The following FANCM variants were observed in gnomAD, a reference collection of about 807,000 sequenced individuals.
The protein encoded by FANCM is Fanconi anemia group M protein.
In FANCM, 140 loss-of-function variants were observed where a neutral mutation model predicts 199.5. The ratio of observed to expected loss-of-function variants is 0.70; its 90% confidence interval spans 0.61 to 0.81. FANCM has a LOEUF of 0.81. FANCM is among the 30% of genes least tolerant of loss of function. FANCM has a pLI of 0.00. For missense variants in FANCM, 2,410 were observed against 2,421.4 expected, an observed-to-expected ratio of 1.00 and a Z score of 0.10; for synonymous variants, 840 against 836.8, an observed-to-expected ratio of 1.00 and a Z score of -0.07.
chr14:45,152,888 A>G (rs1169907670), intron 5 of FANCM, among the ~76,000 whole-genome samples: 1 of 152,188 alleles, frequency 6.6e-6, no homozygotes, highest in African/African-American at 2.4e-5. Context: ...ATTATAGTAT[A>G]TTATTATTTA....
intron 5 of FANCM, among the ~76,000 whole-genome samples, chr14:45,152,535 T>A (rs113629761): frequency 2.6e-5 from 4 of 152,246 alleles, no homozygotes; most frequent in South Asian, 4.1e-4. Flanking sequence ...GATAAAAAAA[T>A]ATCTATCAAA....
rs1320847876 is a variant in FANCM at position 45,166,984 on chromosome 14, T to C, written c.1823T>C (p.Ile608Thr). 2 of 1,597,266 alleles carry C rather than the reference T, an allele frequency of 1.3e-6. No individual in the cohort carries two copies. The highest frequency in any genetic ancestry group is 1.7e-5 in the Admixed American group (1 of 59,964). The change falls in exon 11 of 23, where the codon ATA (isoleucine) becomes ACA (threonine). Residue 608 changes from isoleucine (I) to threonine (T), a missense_variant. Ile to Thr is a moderately conservative substitution (Grantham distance 89). Coordinates refer to ENST00000267430, the MANE Select transcript of FANCM (RefSeq NM_020937.4). ...YNQSQSNKRS[I>T]YKAISSNRQV... ...CAGAGTCAGTCCAACAAAAGAAGTA[T>C]ATATAAAGCTATTTCAAGTAACAGG... is the stretch of plus-strand genomic sequence containing the variant.
intron 20 of FANCM, among the ~76,000 whole-genome samples, chr14:45,191,725 G>T (rs1287746944): frequency 2.0e-5 from 3 of 152,140 alleles, no homozygotes; most frequent in South Asian, 4.1e-4. Flanking sequence ...GGAGGAGAAA[G>T]AATTTTTTGA....
In FANCM at chr14:45,189,812, C is replaced by T. The variant is rs376537032; in HGVS notation, c.5340+450C>T. 2.6e-4 allele frequency among the ~76,000 whole-genome samples: 40 copies of T among 151,976 alleles called. 1 individual carries two copies. In the South Asian group the frequency reaches 8.3e-3, roughly 32 times the overall value. On this transcript the variant is annotated intron_variant, in intron 20 of 22. Transcript: ENST00000267430. ...GATGAAATCCCGTCTCTACTAAAAA[C>T]ACAAAATCAGCCAGGTGTGGTTGCG...
In FANCM at chr14:45,164,486, T is replaced by C. The variant is rs757831397; in HGVS notation, c.1709T>C (p.Leu570Pro). 9.9e-6 allele frequency: 16 copies of C among 1,613,606 alleles called. No homozygotes were observed. The highest frequency in any genetic ancestry group is 1.4e-5 in the Non-Finnish European group (16 of 1,179,854). ...CFDSQKSPIR[L>P]VQRMGRTGRK... is the part of the protein sequence containing the mutation. Reference sequence around the variant, plus strand: ...GATTCCCAGAAGAGCCCAATTCGTCTTGTACAACGAATGGGTAGAACTGGC... The same window carrying C: ...GATTCCCAGAAGAGCCCAATTCGTCCTGTACAACGAATGGGTAGAACTGGC... The change falls in exon 10 of 23, where the codon CTT becomes CCT. Residue 570 changes from leucine to proline, a missense_variant. Physicochemically the swap from Leu to Pro is moderately conservative, Grantham distance 98. Transcript: ENST00000267430.
Position 45,198,730 on chromosome 14 carries a change from A to T in FANCM, c.5803A>T (p.Ser1935Cys). 6.2e-7 allele frequency: 1 copy of T among 1,614,028 alleles called. No individual in the cohort carries two copies. The highest frequency in any genetic ancestry group is 8.5e-7 in the Non-Finnish European group (1 of 1,179,924). ...LIGAGIRILF[S>C]SCQEETADLL... ...TGGCGCTGGAATCCGAATTCTTTTC[A>T]GTTCCTGCCAAGAAGAAACCGCAGA... is the stretch of plus-strand genomic sequence containing the variant. Residue 1935 changes from serine to cysteine, a missense_variant, in exon 22 of 23, where the codon AGT becomes TGT. Ser to Cys is a moderately radical substitution (Grantham distance 112). Coordinates refer to ENST00000267430, the MANE Select transcript of FANCM (RefSeq NM_020937.4).
chr14:45,185,100 T>G, intron 17 of FANCM, 117 bp from the exon 18 acceptor site: 1 of 774,790 alleles, frequency 1.3e-6, no homozygotes, highest in Non-Finnish European at 2.1e-6. Flanking sequence ...TTGTTTTTAT[T>G]ATTTTATTAA....
Position 45,151,495 on chromosome 14 carries a change from T to C in FANCM, c.1017T>C (p.Asp339=). 6.2e-7 allele frequency: 1 copy of C among 1,612,836 alleles called. No individual in the cohort carries two copies. Among genetic ancestry groups the C allele is most frequent in the East Asian group, 2.2e-5 (1 of 44,838 alleles). Residue 339 remains aspartate (D), a synonymous_variant, in exon 5 of 23, where the codon GAT becomes GAC. Transcript: ENST00000267430. ...LTKYQIILAR[D]QFRKNPSPNI... Reference sequence around the variant, plus strand: ...AATATCAGATAATTCTGGCAAGAGATCAGTTTAGGAAAAACCCATCTCCGA... The same window carrying C: ...AATATCAGATAATTCTGGCAAGAGACCAGTTTAGGAAAAACCCATCTCCGA...
At chr14:45,181,325 G>C in intron 14 of FANCM, 105 bp from the exon 15 acceptor site, 1 of 668,640 alleles carries the variant, frequency 1.5e-6, no homozygotes, top group Non-Finnish European at 2.6e-6. Flanking sequence ...TAAATGTTGA[G>C]ATTGCGTGAA....
In FANCM at chr14:45,145,990, C is replaced by T. The variant is rs562492940; in HGVS notation, c.760-2847C>T. The stretch of plus-strand genomic sequence containing the variant: ...AGGAGAATGGCGTGAACCCGGGAGG[C>T]GGAGCTTGCAGTGAGCCGAGATCCC... On this transcript the variant is annotated intron_variant, in intron 3 of 22. Transcript: ENST00000267430. Among the ~76,000 whole-genome samples, 490 of 145,344 alleles carry T rather than the reference C, an allele frequency of 3.4e-3. 2 individuals carry two copies. Among genetic ancestry groups the T allele is most frequent in the Non-Finnish European group, 5.8e-3 (385 of 66,430 alleles).
chr14:45,144,404 T>C (rs1886215398), intron 3 of FANCM, among the ~76,000 whole-genome samples: 1 of 144,904 alleles, frequency 6.9e-6, no homozygotes, highest in South Asian at 2.3e-4. Flanking sequence ...TAGCTCCCAC[T>C]AAAAAGTTAG....
chr14:45,159,041 C>A (rs1346019246), intron 8 of FANCM, 55 bp from the exon 9 acceptor site: 69 of 1,113,218 alleles, frequency 6.2e-5, no homozygotes, highest in Non-Finnish European at 8.7e-5. Flanking sequence ...TGAACTATTT[C>A]TTGTCTAAAT....
In FANCM at chr14:45,136,395, G is replaced by A. The variant is rs1885507119; in HGVS notation, c.364G>A (p.Ala122Thr). 2 of 1,614,116 alleles carry A rather than the reference G, an allele frequency of 1.2e-6. No homozygotes were observed. Among genetic ancestry groups the A allele is most frequent in the Middle Eastern group, 3.3e-4 (2 of 6,062 alleles). The change falls in exon 1 of 23, where the codon GCC becomes ACC. Residue 122 changes from alanine to threonine, a missense_variant. Physicochemically the swap from Ala to Thr is moderately conservative, Grantham distance 58 (BLOSUM62 0). Coordinates refer to ENST00000267430, the MANE Select transcript of FANCM (RefSeq NM_020937.4). ...CGGACTGGGAAAGACCTTTATTGCC[G>A]CCGTGGTCATGTACAATTTCTACCG... The part of the protein sequence containing the change: ...PTGLGKTFIA[A>T]VVMYNFYRWF...
chr14:45,163,797 G>A (rs1359507032), intron 9 of FANCM, among the ~76,000 whole-genome samples: 1 of 152,098 alleles, frequency 6.6e-6, no homozygotes, highest in Non-Finnish European at 1.5e-5. Flanking sequence ...ATTCAGTGAC[G>A]AACTTAAATT....
intron 22 of FANCM, among the ~76,000 whole-genome samples, chr14:45,199,616 T>G (rs1317392275): frequency 6.6e-6 from 1 of 152,238 alleles, no homozygotes; most frequent in Non-Finnish European, 1.5e-5. Flanking sequence ...GATTACGGCT[T>G]CAACATATGA....
In FANCM at chr14:45,159,229, C is replaced by T. The variant is rs367951081; in HGVS notation, c.1530C>T (p.Gly510=). 2.5e-6 allele frequency: 4 copies of T among 1,613,630 alleles called. No homozygotes were observed. Among genetic ancestry groups the T allele is most frequent in the Non-Finnish European group, 3.4e-6 (4 of 1,179,820 alleles). ...TTATTAGAGTAATGACTTTTGTCGG[C>T]CATGCCTCAGGGAAAAGCACGAAGG... The part of the protein sequence containing the change: ...QPIIRVMTFV[G]HASGKSTKGF... Residue 510 remains glycine, a synonymous_variant, in exon 9 of 23, where the codon GGC becomes GGT. Transcript: ENST00000267430.
At chr14:45,163,107 T>G (rs1251386126) in intron 9 of FANCM, among the ~76,000 whole-genome samples, 1 of 152,244 alleles carries the variant, frequency 6.6e-6, no homozygotes, top group African/African-American at 2.4e-5. Flanking sequence ...CTTTTAAGGT[T>G]GTTGTTTTTC....
chr14:45,164,325 G>T (rs761732273), intron 9 of FANCM, 34 bp from the exon 10 acceptor site: 19 of 1,478,600 alleles, frequency 1.3e-5, no homozygotes, highest in Non-Finnish European at 1.7e-5. Context: ...TCTTACATTT[G>T]CATGTAGTTA....
rs866285414 is a variant in FANCM, at chr14:45,179,566, T to C, written c.4223-1864T>C. On this transcript the variant is annotated intron_variant, in intron 14 of 22. Coordinates refer to ENST00000267430, the MANE Select transcript of FANCM (RefSeq NM_020937.4). ...GTACATCATTTTCTTTCTTTCTTTT[T>C]TTTTTTTTTTTTTTTGAGACAGTCT... is the stretch of plus-strand genomic sequence containing the variant. 3.1e-3 allele frequency among the ~76,000 whole-genome samples: 423 copies of C among 135,500 alleles called. 1 individual carries two copies. The highest frequency in any genetic ancestry group is 0.012 in the African/African-American group (390 of 33,034). 88.9% of individuals were successfully genotyped at this position (135,500 alleles called of 152,430 possible). A position where few individuals can be genotyped will look rare whatever the true frequency, so the allele number is the denominator to read the frequency against.
Sources: allele counts gnomAD v4.1 joint callset (sites outside exome capture counted in the v4.1 genomes callset), GRCh38; gene constraint gnomAD v4.1.1; transcripts MANE v1.5; gene names NCBI Gene and HGNC (gene_info 2026-07-23, HGNC 2026-07-21).